The following AOPEP variants were observed in gnomAD, a reference collection of about 807,000 sequenced individuals.
The protein encoded by AOPEP is aminopeptidase O (putative).
In AOPEP, 77 loss-of-function variants were observed where a neutral mutation model predicts 98.1. That is an observed-to-expected ratio of 0.78 (90% CI 0.65 to 0.95). The LOEUF (loss-of-function observed/expected upper bound fraction) is 0.95, where lower values mean the gene tolerates loss of function less well. Ranked by LOEUF, AOPEP falls within the 40% of genes least tolerant of loss-of-function variation. The pLI, the probability that AOPEP is intolerant of heterozygous loss-of-function variation, is 0.00. For synonymous variants in AOPEP, 346 were observed against 365.3 expected (o/e 0.95, Z 0.60); for missense variants, 1,024 against 1,024.7 (o/e 1.00, Z 0.01).
At chr9:94,955,762 A>G in intron 8 of AOPEP, 146 bp from the exon 9 acceptor site, 1 of 573,506 alleles carries the variant, frequency 1.7e-6, no homozygotes. Flanking sequence ...CTTCCTGGTG[A>G]AAATGGAAAG....
At chr9:94,895,398 T>A (rs1248349772) in intron 5 of AOPEP, among the ~76,000 whole-genome samples, 2 of 128,652 alleles carry the variant, frequency 1.6e-5, no homozygotes, top group African/African-American at 3.2e-5. Context: ...AGACCCTGTC[T>A]CACACACACA....
chr9:95,107,235 G>A, the AOPEP span: 2 of 1,614,124 alleles, frequency 1.2e-6, no homozygotes, highest in Non-Finnish European at 1.7e-6. Context: ...TCTGGACATT[G>A]CCAGGAGGTG....
At chr9:95,069,709 A>G (rs1050418503) in intron 14 of AOPEP, among the ~76,000 whole-genome samples, 6 of 152,228 alleles carry the variant, frequency 3.9e-5, no homozygotes, top group African/African-American at 1.4e-4. Context: ...TTTGACATCA[A>G]TATTTGATGT....
chr9:95,128,286 CAG>C, the AOPEP span, among the ~76,000 whole-genome samples: 1 of 152,122 alleles, frequency 6.6e-6, no homozygotes. Context: ...CTAAGTTTGC[CAG>C]AGCAATTTTC....
chr9:94,928,213 CT>C (rs140600948), intron 6 of AOPEP, among the ~76,000 whole-genome samples: 1,634 of 152,280 alleles, frequency 0.011, 33 homozygotes, highest in African/African-American at 0.038. Context: ...GCAGGCCCAG[CT>C]CCACGGCCAG....
chr9:94,860,022 A>G (rs1022725473), intron 5 of AOPEP, among the ~76,000 whole-genome samples: 1 of 152,250 alleles, frequency 6.6e-6, no homozygotes, highest in Non-Finnish European at 1.5e-5. Context: ...AATATTCTCA[A>G]AAATGGAGTA....
chr9:94,840,380 A>G (rs1051389997), intron 5 of AOPEP, among the ~76,000 whole-genome samples: 3 of 152,060 alleles, frequency 2.0e-5, no homozygotes, highest in African/African-American at 7.2e-5. Context: ...CTTCTTATAT[A>G]TTGTTGGATT....
chr9:94,850,628 G>A lies in AOPEP; in HGVS notation c.1364+49626G>A, dbSNP rs1053661893. ...ACTCCAGAGTGGTGCCCTTAATTAC[G>A]ATGCTGTACAGCCTCTTTCTGATAT... is the stretch of plus-strand genomic sequence containing the variant. On this transcript the variant is annotated intron_variant, in intron 5 of 16. Coordinates refer to ENST00000375315, the MANE Select transcript of AOPEP (RefSeq NM_001193329.3). Among the ~76,000 whole-genome samples, 3 of 152,140 alleles carry A rather than the reference G, an allele frequency of 2.0e-5. No homozygotes were observed. In the South Asian group the frequency reaches 6.2e-4, roughly 32 times the overall value.
intron 5 of AOPEP, among the ~76,000 whole-genome samples, chr9:94,876,726 C>T (rs893721865): frequency 6.6e-6 from 1 of 151,770 alleles, no homozygotes; most frequent in African/African-American, 2.4e-5. Flanking sequence ...TCTAAGGCTA[C>T]CTTTTAAATT....
At chr9:94,984,664 A>G (rs2060404770) in intron 11 of AOPEP, among the ~76,000 whole-genome samples, 1 of 152,232 alleles carries the variant, frequency 6.6e-6, no homozygotes, top group African/African-American at 2.4e-5. Context: ...AATTAATCCT[A>G]CCTGTTACTT....
intron 5 of AOPEP, among the ~76,000 whole-genome samples, chr9:94,913,348 C>T (rs554275171): frequency 1.5e-3 from 229 of 152,260 alleles, no homozygotes; most frequent in Middle Eastern, 3.4e-3. Context: ...GGTTTATTAC[C>T]TTTCAGAGGG....
At chr9:95,135,477 C>G in the AOPEP span, 2 of 1,614,016 alleles carry the variant, frequency 1.2e-6, no homozygotes, top group African/African-American at 2.7e-5. Flanking sequence ...CAGACTACAG[C>G]TGACATGGGG....
At chr9:95,072,192 A>G (rs1235433950) in intron 14 of AOPEP, among the ~76,000 whole-genome samples, 1 of 152,236 alleles carries the variant, frequency 6.6e-6, no homozygotes, top group Non-Finnish European at 1.5e-5. Flanking sequence ...GTTCTTGTAA[A>G]TAACGTTTTA....
At chr9:95,088,149 G>A (rs564070862), downstream of AOPEP, among the ~76,000 whole-genome samples, 2 of 152,166 alleles carry the variant, frequency 1.3e-5, no homozygotes, top group East Asian at 1.9e-4. Flanking sequence ...ACACGACCGC[G>A]GCTTCCTGTG....
chr9:95,044,443 A>C (rs936727381), intron 13 of AOPEP, among the ~76,000 whole-genome samples: 3 of 152,138 alleles, frequency 2.0e-5, no homozygotes, highest in African/African-American at 7.2e-5. Context: ...GGAGCTCAGA[A>C]ATGGGAGCAT....
At chr9:95,101,179 G>A in the AOPEP span, 1 of 252,194 alleles carries the variant, frequency 4.0e-6, no homozygotes. Context: ...CAGGTCCAGG[G>A]AGACACAAGG....
chr9:95,102,173 A>AAGTT, the AOPEP span, among the ~76,000 whole-genome samples: 1 of 152,222 alleles, frequency 6.6e-6, no homozygotes, highest in African/African-American at 2.4e-5. Context: ...TGCCAGTCAC[A>AAGTT]AGTTGTGGGA....
intron 5 of AOPEP, among the ~76,000 whole-genome samples, chr9:94,861,682 T>C (rs2045015108): frequency 6.6e-6 from 1 of 152,168 alleles, no homozygotes; most frequent in Non-Finnish European, 1.5e-5. Context: ...TTAGACTAGA[T>C]CCCAGAGATG....
In AOPEP at chr9:95,027,897, A is replaced by G. The variant is rs143810494; in HGVS notation, c.2115+22281A>G. On this transcript the variant is annotated intron_variant, in intron 13 of 16. Coordinates refer to ENST00000375315, the MANE Select transcript of AOPEP (RefSeq NM_001193329.3). ...AAATCAAGTGAACCTATTTTTCTAA[A>G]TAAGTCGTATCATCAGTCATGACAG... 6.9e-3 allele frequency among the ~76,000 whole-genome samples: 1,048 copies of G among 152,316 alleles called. 10 individuals are homozygous for G. The highest frequency in any genetic ancestry group is 0.024 in the African/African-American group (994 of 41,552).
Sources: allele counts gnomAD v4.1 joint callset (sites outside exome capture counted in the v4.1 genomes callset), GRCh38; gene constraint gnomAD v4.1.1; transcripts MANE v1.5; gene names NCBI Gene and HGNC (gene_info 2026-07-23, HGNC 2026-07-21).